MTMR7: variants seen among roughly 807,000 people sequenced by gnomAD.
MTMR7 encodes phosphatidylinositol-3-phosphate phosphatase MTMR7.
In MTMR7, 76 loss-of-function variants were observed where a neutral mutation model predicts 81.2. The ratio of observed to expected loss-of-function variants is 0.94; its 90% CI spans 0.78 to 1.13. The LOEUF (loss-of-function observed/expected upper bound fraction) is 1.13. MTMR7 is among the 50% of genes most tolerant of loss of function. MTMR7 has a pLI of 0.00. For synonymous variants in MTMR7, 372 were observed against 289.8 expected, an observed-to-expected ratio of 1.28 and a Z score of -2.88; for missense variants, 1,044 against 820.0, an observed-to-expected ratio of 1.27 and a Z score of -3.34.
intron 1 of MTMR7, among the ~76,000 whole-genome samples, chr8:17,381,524 G>T (rs566735467): frequency 2.0e-5 from 3 of 152,310 alleles, no homozygotes; most frequent in African/African-American, 7.2e-5. Flanking sequence ...GACTATTTGG[G>T]TAAGTAAAGT....
intron 1 of MTMR7, among the ~76,000 whole-genome samples, chr8:17,409,090 C>A (rs1821672599): frequency 6.6e-6 from 1 of 152,126 alleles, no homozygotes; most frequent in African/African-American, 2.4e-5. Context: ...ATAAGATCCA[C>A]AACACTGTCA....
chr8:17,375,070 C>G (rs866458745), intron 1 of MTMR7, among the ~76,000 whole-genome samples: 3 of 152,182 alleles, frequency 2.0e-5, no homozygotes, highest in Admixed American at 1.3e-4. Flanking sequence ...GTCTGGGCAA[C>G]AAGAGCAAAA....
At position 17,305,828 on chromosome 8, in the gene MTMR7, A is replaced by T; in HGVS notation, c.1281T>A (p.Ile427=). 1.2e-6 allele frequency: 2 copies of T among 1,613,730 alleles called. No individual in the cohort carries two copies. Among genetic ancestry groups the T allele is most frequent in the Non-Finnish European group, 1.7e-6 (2 of 1,179,700 alleles). ...ACTGGCAGGAATAAATGTGATGTTG[A>T]ATGTGAATCAAAAACCTCTCATTGA... The part of the protein sequence containing the change: ...FEFNERFLIH[I]QHHIYSCQFG... Residue 427 remains isoleucine (I), a synonymous_variant, in exon 11 of 14, where the codon ATT becomes ATA. Transcript: ENST00000180173.
chr8:17,346,894 A>T (rs1359251493), intron 5 of MTMR7, among the ~76,000 whole-genome samples: 1 of 149,530 alleles, frequency 6.7e-6, no homozygotes, highest in Non-Finnish European at 1.5e-5. Flanking sequence ...TAAAAAAAAA[A>T]AAAAAAAAAA....
intron 1 of MTMR7, among the ~76,000 whole-genome samples, chr8:17,399,218 T>C (rs557661311): frequency 6.6e-6 from 1 of 152,174 alleles, no homozygotes; most frequent in Non-Finnish European, 1.5e-5. Flanking sequence ...TGATATGATC[T>C]TATATTTGGA....
chr8:17,361,958 G>GT (rs1344138454), intron 3 of MTMR7, among the ~76,000 whole-genome samples: 2 of 152,112 alleles, frequency 1.3e-5, no homozygotes, highest in Non-Finnish European at 2.9e-5. Context: ...TGTTATCTCT[G>GT]TCTTTATATA....
At chr8:17,302,595 C>T (rs911720899) in intron 12 of MTMR7, among the ~76,000 whole-genome samples, 1 of 146,780 alleles carries the variant, frequency 6.8e-6, no homozygotes, top group Non-Finnish European at 1.5e-5. Context: ...TAGTTTTGAA[C>T]TTTGAAATTG....
intron 3 of MTMR7, among the ~76,000 whole-genome samples, chr8:17,368,076 T>C (rs1056964092): frequency 6.6e-6 from 1 of 152,026 alleles, no homozygotes; most frequent in African/African-American, 2.4e-5. Flanking sequence ...AATTTTTCTG[T>C]GGATGGGGGT....
chr8:17,391,630 T>C (rs1640976862), intron 1 of MTMR7, among the ~76,000 whole-genome samples: 1 of 152,206 alleles, frequency 6.6e-6, no homozygotes, highest in African/African-American at 2.4e-5. Context: ...CTACTCAAAC[T>C]GGGTGAACAG....
At chr8:17,310,707 G>A (rs955104008) in intron 9 of MTMR7, among the ~76,000 whole-genome samples, 5 of 152,152 alleles carry the variant, frequency 3.3e-5, no homozygotes, top group African/African-American at 1.2e-4. Flanking sequence ...CTGCCTCTTC[G>A]CTCTTGTCCG....
At chr8:17,390,782 C>A (rs971153188) in intron 1 of MTMR7, among the ~76,000 whole-genome samples, 1 of 152,154 alleles carries the variant, frequency 6.6e-6, no homozygotes, top group Non-Finnish European at 1.5e-5. Context: ...AGGGGAAGAG[C>A]CCCTTATGAA....
At chr8:17,307,682 T>C (rs770587525) in intron 10 of MTMR7, among the ~76,000 whole-genome samples, 5 of 152,170 alleles carry the variant, frequency 3.3e-5, no homozygotes, top group Non-Finnish European at 7.3e-5. Context: ...GTGGCACATA[T>C]ACACCATGGA....
intron 2 of MTMR7, among the ~76,000 whole-genome samples, chr8:17,372,309 G>A (rs748270577): frequency 3.3e-5 from 5 of 152,142 alleles, no homozygotes; most frequent in African/African-American, 9.7e-5. Flanking sequence ...GGCCACACAC[G>A]GTGGCTCATG....
At chr8:17,319,999 A>G (rs559398000) in intron 7 of MTMR7, among the ~76,000 whole-genome samples, 29 of 152,338 alleles carry the variant, frequency 1.9e-4, no homozygotes, top group African/African-American at 6.7e-4. Flanking sequence ...TAAAATATGA[A>G]TCAAATTTTA....
chr8:17,341,709 G>A (rs1819413578), intron 5 of MTMR7, among the ~76,000 whole-genome samples: 2 of 152,196 alleles, frequency 1.3e-5, no homozygotes, highest in East Asian at 1.9e-4. Context: ...ACCTGTCTGT[G>A]CAAAATATTA....
chr8:17,316,245 T>G (rs1166353728), intron 7 of MTMR7, among the ~76,000 whole-genome samples: 1 of 152,004 alleles, frequency 6.6e-6, no homozygotes, highest in African/African-American at 2.4e-5. Flanking sequence ...CTTATTACTA[T>G]TATTCTCAAA....
intron 9 of MTMR7, 36 bp from the exon 10 acceptor site, chr8:17,309,362 G>C (rs762314900): frequency 7.1e-7 from 1 of 1,403,708 alleles, no homozygotes; most frequent in East Asian, 2.3e-5. Flanking sequence ...TTGGAGAGAA[G>C]CAAACGAAAA....
At chr8:17,407,097 G>C (rs773782112) in intron 1 of MTMR7, among the ~76,000 whole-genome samples, 7 of 151,826 alleles carry the variant, frequency 4.6e-5, no homozygotes, top group Non-Finnish European at 8.8e-5. Flanking sequence ...ACTTTAGAAA[G>C]GTAAATTTTA....
chr8:17,311,529 C>A lies in MTMR7; in HGVS notation c.1083G>T (p.Arg361=), dbSNP rs776949172. The A allele has an allele frequency of 6.2e-7, 1 of 1,614,134 alleles. No individual in the cohort carries two copies. ...VASLLLDPHY[R]TLKGFMVLIE... ...CACTCACCATGAAGCCCTTCAGAGT[C>A]CGGTAGTGAGGGTCCAGCAGCAGGC... Residue 361 remains arginine, a synonymous_variant, in exon 9 of 14, where the codon CGG becomes CGT. Transcript: ENST00000180173.
Sources: gnomAD v4.1 joint callset for allele counts (sites outside exome capture counted in the v4.1 genomes callset) on GRCh38, gnomAD v4.1.1 for gene constraint, MANE v1.5 for transcripts, NCBI Gene and HGNC (gene_info 2026-07-23, HGNC 2026-07-21) for gene names.